The following RNGTT variants were observed in gnomAD, a reference collection of about 807,000 sequenced individuals.
RNGTT encodes mRNA-capping enzyme.
A neutral mutation model predicts 79.3 loss-of-function variants in RNGTT; 33 were observed. The ratio of observed to expected loss-of-function variants is 0.42; its 90% CI spans 0.32 to 0.56. The LOEUF (loss-of-function observed/expected upper bound fraction) is 0.56, where lower values mean the gene tolerates loss of function less well. RNGTT is among the 20% of genes least tolerant of loss of function. The pLI is 0.17. For missense variants in RNGTT, 497 were observed against 739.1 expected, an observed-to-expected ratio of 0.67 and a Z score of 3.80; for synonymous variants, 222 against 235.9, an observed-to-expected ratio of 0.94 and a Z score of 0.54.
At chr6:88,906,336 C>A (rs748747631) in intron 5 of RNGTT, 29 bp downstream of exon 5, 2 of 1,417,016 alleles carry the variant, frequency 1.4e-6, no homozygotes, top group Admixed American at 2.2e-5. Context: ...TTACAAAATA[C>A]ATCTTCCATT....
chr6:88,818,256 C>G (rs986152205), intron 11 of RNGTT, among the ~76,000 whole-genome samples: 1 of 152,052 alleles, frequency 6.6e-6, no homozygotes, highest in Non-Finnish European at 1.5e-5. Flanking sequence ...GAAACATAAG[C>G]TCAAGACATT....
chr6:88,855,974 C>A (rs1781832331), intron 8 of RNGTT, among the ~76,000 whole-genome samples: 1 of 152,202 alleles, frequency 6.6e-6, no homozygotes, highest in Non-Finnish European at 1.5e-5. Context: ...GCATGGAAGA[C>A]ACACAACCCA....
At chr6:88,852,384 A>T (rs1343445112) in intron 9 of RNGTT, among the ~76,000 whole-genome samples, 7 of 151,968 alleles carry the variant, frequency 4.6e-5, no homozygotes, top group Non-Finnish European at 8.8e-5. Context: ...TTATAATGCT[A>T]AAAAAAGTAC....
At chr6:88,690,564 T>C (rs1432647519) in intron 13 of RNGTT, among the ~76,000 whole-genome samples, 1 of 151,864 alleles carries the variant, frequency 6.6e-6, no homozygotes, top group African/African-American at 2.4e-5. Context: ...TTTTTTAAGT[T>C]AGTCAGGTAT....
intron 13 of RNGTT, among the ~76,000 whole-genome samples, chr6:88,725,227 A>T (rs1173558195): frequency 6.6e-6 from 1 of 152,130 alleles, no homozygotes; most frequent in Non-Finnish European, 1.5e-5. Context: ...GGGGTGAGAA[A>T]TCAGGACCCA....
chr6:88,962,928 A>T (rs1466812428), intron 1 of RNGTT, among the ~76,000 whole-genome samples: 1 of 152,062 alleles, frequency 6.6e-6, no homozygotes, highest in African/African-American at 2.4e-5. Context: ...CCCAGTCTCA[A>T]TGTGACCCCA....
At chr6:88,934,082 T>G (rs1784590712) in intron 2 of RNGTT, among the ~76,000 whole-genome samples, 1 of 152,148 alleles carries the variant, frequency 6.6e-6, no homozygotes, top group Admixed American at 6.6e-5. Flanking sequence ...CAGGCTGGAG[T>G]GCAGTAGCAC....
chr6:88,654,190 G>A (rs1438042166), intron 14 of RNGTT, among the ~76,000 whole-genome samples: 1 of 152,124 alleles, frequency 6.6e-6, no homozygotes, highest in Non-Finnish European at 1.5e-5. Context: ...TATCCATAAG[G>A]TTTTCCTTTA....
chr6:88,736,793 ACTT>A (rs1777302426), intron 13 of RNGTT, among the ~76,000 whole-genome samples: 2 of 152,236 alleles, frequency 1.3e-5, no homozygotes, highest in Admixed American at 1.3e-4. Flanking sequence ...AGGAAGGCAG[ACTT>A]CATGGATTCT....
chr6:88,681,021 A>T (rs955474125), intron 13 of RNGTT, among the ~76,000 whole-genome samples: 9 of 152,210 alleles, frequency 5.9e-5, no homozygotes, highest in African/African-American at 1.9e-4. Context: ...ACAAAACTTT[A>T]AATCGCTCCC....
chr6:88,623,827 T>C (rs1348126971), intron 14 of RNGTT, among the ~76,000 whole-genome samples: 1 of 152,034 alleles, frequency 6.6e-6, no homozygotes, highest in African/African-American at 2.4e-5. Flanking sequence ...TAGAAGGATA[T>C]ACAAAGAGGC....
chr6:88,618,661 T>C (rs1772323396), intron 14 of RNGTT, among the ~76,000 whole-genome samples: 1 of 152,202 alleles, frequency 6.6e-6, no homozygotes, highest in Admixed American at 6.5e-5. Flanking sequence ...CAACACACCA[T>C]ATATTTTATG....
At chr6:88,924,070 C>T (rs1244751759) in intron 4 of RNGTT, among the ~76,000 whole-genome samples, 1 of 152,150 alleles carries the variant, frequency 6.6e-6, no homozygotes, top group African/African-American at 2.4e-5. Flanking sequence ...TGCTGGGGGG[C>T]TCCATCCAGG....
chr6:88,826,901 G>T (rs1780685676), intron 11 of RNGTT, among the ~76,000 whole-genome samples: 1 of 147,556 alleles, frequency 6.8e-6, no homozygotes. Flanking sequence ...TAAAATTAAT[G>T]TGCTGGAACT....
intron 13 of RNGTT, among the ~76,000 whole-genome samples, chr6:88,727,646 G>T (rs1055246989): frequency 6.6e-6 from 1 of 152,026 alleles, no homozygotes; most frequent in Non-Finnish European, 1.5e-5. Context: ...TAGCTTATCT[G>T]GTATAAAAAT....
At chr6:88,806,767 A>C (rs887754270) in intron 11 of RNGTT, among the ~76,000 whole-genome samples, 11 of 152,224 alleles carry the variant, frequency 7.2e-5, no homozygotes, top group Admixed American at 5.9e-4. Flanking sequence ...AATATAAATC[A>C]TTCTATTATA....
intron 13 of RNGTT, among the ~76,000 whole-genome samples, chr6:88,692,089 A>C (rs2127796365): frequency 6.6e-6 from 1 of 152,340 alleles, no homozygotes; most frequent in South Asian, 2.1e-4. Flanking sequence ...GAGTTACAAG[A>C]CCACAAACAC....
At chr6:88,848,082 C>T (rs1015884332) in intron 10 of RNGTT, among the ~76,000 whole-genome samples, 3 of 150,154 alleles carry the variant, frequency 2.0e-5, no homozygotes, top group East Asian at 1.9e-4. Flanking sequence ...ATATAAATTC[C>T]AAACAAGTAA....
chr6:88,759,176 G>A (rs537263312), intron 13 of RNGTT, among the ~76,000 whole-genome samples: 2 of 152,274 alleles, frequency 1.3e-5, no homozygotes, highest in African/African-American at 2.4e-5. Context: ...ATTCATTACT[G>A]TCCTTCTGGT....
Sources: allele counts gnomAD v4.1 joint callset (sites outside exome capture counted in the v4.1 genomes callset), GRCh38; gene constraint gnomAD v4.1.1; transcripts MANE v1.5; gene names NCBI Gene and HGNC (gene_info 2026-07-23, HGNC 2026-07-21).